Variants in KLF12 observed in about 807,000 individuals in gnomAD.
The protein encoded by KLF12 is KLF transcription factor 12, also known as Krueppel-like factor 12.
In KLF12, 9 loss-of-function variants were observed where a neutral mutation model predicts 37.8. That is an observed-to-expected ratio of 0.24 (90% confidence interval 0.14 to 0.42). The LOEUF (loss-of-function observed/expected upper bound fraction) is 0.42. Among genes scored for constraint, KLF12 ranks in the 10% least tolerant of loss-of-function variants. KLF12 has a pLI of 1.00. For synonymous variants in KLF12, 208 were observed against 202.1 expected (o/e 1.03, Z -0.25); for missense variants, 411 against 516.0 (o/e 0.80, Z 1.97).
At chr13:74,068,979 T>C (rs768929527) in intron 1 of KLF12, among the ~76,000 whole-genome samples, 7 of 152,336 alleles carry the variant, frequency 4.6e-5, no homozygotes, top group South Asian at 4.1e-4. Context: ...TGTGTATTTA[T>C]TGTCATGTCT....
the KLF12 span, among the ~76,000 whole-genome samples, chr13:74,197,064 T>C: frequency 6.6e-6 from 1 of 152,146 alleles, no homozygotes; most frequent in Admixed American, 6.5e-5. Context: ...GAATTTGACC[T>C]GTGTTCAGGT....
intron 3 of KLF12, among the ~76,000 whole-genome samples, chr13:73,930,190 G>A (rs1171085157): frequency 6.6e-6 from 1 of 152,116 alleles, no homozygotes; most frequent in African/African-American, 2.4e-5. Flanking sequence ...TTCAAAAATT[G>A]CAAGTGCCAG....
At chr13:73,737,351 G>A (rs906380221) in intron 6 of KLF12, among the ~76,000 whole-genome samples, 1 of 152,104 alleles carries the variant, frequency 6.6e-6, no homozygotes, top group Non-Finnish European at 1.5e-5. Flanking sequence ...GTTACTAAGA[G>A]GCCTTTTCTC....
chr13:73,796,503 T>G (rs1881973783), intron 5 of KLF12, among the ~76,000 whole-genome samples: 1 of 104,440 alleles, frequency 9.6e-6, no homozygotes, highest in African/African-American at 3.3e-5. Context: ...TCCCTGCCCC[T>G]GTGCTGTGTG....
chr13:74,238,877 C>T, the KLF12 span, among the ~76,000 whole-genome samples: 1 of 151,488 alleles, frequency 6.6e-6, no homozygotes, highest in Non-Finnish European at 1.5e-5. Context: ...TTTGTTGATC[C>T]TTTCAAAAAA....
the KLF12 span, among the ~76,000 whole-genome samples, chr13:74,205,839 C>A: frequency 6.6e-6 from 1 of 152,036 alleles, no homozygotes; most frequent in East Asian, 1.9e-4. Context: ...AGATAACTCT[C>A]TCCTCCAGGT....
chr13:74,004,310 G>C (rs1486152417), intron 1 of KLF12, among the ~76,000 whole-genome samples: 1 of 152,132 alleles, frequency 6.6e-6, no homozygotes, highest in Non-Finnish European at 1.5e-5. Context: ...TTTACTATGT[G>C]CTAGCAACTG....
chr13:74,096,645 A>T (rs1241648679), intron 1 of KLF12, among the ~76,000 whole-genome samples: 1 of 152,230 alleles, frequency 6.6e-6, no homozygotes, highest in South Asian at 2.1e-4. Context: ...GGTAATACCT[A>T]TGACGAGAAA....
At chr13:73,738,120 T>TACAC (rs1170394263) in intron 6 of KLF12, among the ~76,000 whole-genome samples, 7 of 70,474 alleles carry the variant, frequency 9.9e-5, no homozygotes, top group South Asian at 3.9e-4. Context: ...TATATATATA[T>TACAC]ATATACACAC....
the KLF12 span, among the ~76,000 whole-genome samples, chr13:74,149,304 A>G: frequency 2.0e-5 from 3 of 152,104 alleles, no homozygotes; most frequent in Admixed American, 2.0e-4. Flanking sequence ...ACCTAAAATT[A>G]CCTTTTCTAA....
intron 3 of KLF12, among the ~76,000 whole-genome samples, chr13:73,859,033 G>T (rs549119945): frequency 3.9e-5 from 6 of 152,266 alleles, no homozygotes; most frequent in Admixed American, 1.3e-4. Flanking sequence ...AAACATTTTT[G>T]CTCTCATTAG....
chr13:74,003,077 G>T (rs1892322510), intron 1 of KLF12, among the ~76,000 whole-genome samples: 1 of 152,194 alleles, frequency 6.6e-6, no homozygotes. Flanking sequence ...AAGTTGAACT[G>T]ATGTCCACAT....
chr13:73,927,725 G>A (rs889721517), intron 3 of KLF12, among the ~76,000 whole-genome samples: 10 of 149,364 alleles, frequency 6.7e-5, no homozygotes, highest in Admixed American at 2.0e-4. Context: ...CTACAGGTGC[G>A]TGCCACCACA....
chr13:74,206,128 A>C, the KLF12 span, among the ~76,000 whole-genome samples: 9 of 152,140 alleles, frequency 5.9e-5, no homozygotes, highest in African/African-American at 2.2e-4. Flanking sequence ...ACCATGATAA[A>C]ATCTAGGGAT....
intron 5 of KLF12, among the ~76,000 whole-genome samples, chr13:73,769,951 G>A (rs1470921379): frequency 6.6e-6 from 1 of 152,020 alleles, no homozygotes. Flanking sequence ...AAGATTATAA[G>A]AAATTATTAT....
At chr13:74,153,331 G>A in the KLF12 span, among the ~76,000 whole-genome samples, 212 of 152,216 alleles carry the variant, frequency 1.4e-3, 2 homozygotes, top group African/African-American at 4.5e-3. Context: ...CTAGGACCTG[G>A]GTGAGAAAAG....
intron 3 of KLF12, among the ~76,000 whole-genome samples, chr13:73,879,488 A>T (rs1392655977): frequency 6.6e-6 from 1 of 152,266 alleles, no homozygotes; most frequent in Non-Finnish European, 1.5e-5. Flanking sequence ...CTCTAAGAAA[A>T]GTTAGACTCT....
At chr13:73,803,772 T>TCACACACACACACACA (rs4053528) in intron 5 of KLF12, among the ~76,000 whole-genome samples, 9 of 141,950 alleles carry the variant, frequency 6.3e-5, no homozygotes, top group South Asian at 2.4e-4. Context: ...TACTGCAGAG[T>TCACACACACACACACA]CACACACACA....
chr13:73,809,815 G>A (rs1313531804), intron 5 of KLF12, among the ~76,000 whole-genome samples: 1 of 152,034 alleles, frequency 6.6e-6, no homozygotes, highest in Non-Finnish European at 1.5e-5. Flanking sequence ...CCAGTTGTTA[G>A]CTCAGTGTAT....
Sources: allele counts gnomAD v4.1 joint callset (sites outside exome capture counted in the v4.1 genomes callset), GRCh38; gene constraint gnomAD v4.1.1; transcripts MANE v1.5; gene names NCBI Gene and HGNC (gene_info 2026-07-23, HGNC 2026-07-21).